SIRT1: variants seen among roughly 807,000 people sequenced by gnomAD.
The protein encoded by SIRT1 is sirtuin 1, also known as NAD-dependent protein deacetylase sirtuin-1.
A neutral mutation model predicts 67.9 loss-of-function variants in SIRT1; 24 were observed. That is an observed-to-expected ratio of 0.35 (90% CI 0.26 to 0.50). SIRT1 has a LOEUF of 0.50. SIRT1 is among the 20% of genes least tolerant of loss of function. The pLI is 0.98. For missense variants in SIRT1, 873 were observed against 937.2 expected (o/e 0.93, Z 0.89); for synonymous variants, 378 against 350.7 (o/e 1.08, Z -0.87).
rs2029924311 is a variant in SIRT1 at position 67,916,693 on chromosome 10, C to T, written c.*100C>T. The T allele has an allele frequency of 1.1e-6, 1 of 891,252 alleles. No homozygotes were observed. The highest frequency in any genetic ancestry group is 1.7e-6 in the Non-Finnish European group (1 of 603,808). 55.2% of individuals were successfully genotyped at this position (891,252 alleles called of 1,614,324 possible). ...TGTGAACTCGATAGAGCAAGGAAAC[C>T]AGAAAGGTGTAATATTTATAGGTTG... On this transcript the variant is annotated 3_prime_UTR_variant, in exon 9 of 9. Coordinates refer to ENST00000212015, the MANE Select transcript of SIRT1 (RefSeq NM_012238.5).
At chr10:67,909,141 TG>T (rs1360695149) in intron 6 of SIRT1, 114 bp from the exon 7 acceptor site, 4 of 697,946 alleles carry the variant, frequency 5.7e-6, no homozygotes, top group Middle Eastern at 2.5e-4. Context: ...TTTTCTGTTT[TG>T]TTTTTTTTTT....
chr10:67,906,396 A>T (rs1453338004), intron 4 of SIRT1: 25 of 1,028,578 alleles, frequency 2.4e-5, no homozygotes, highest in African/African-American at 3.3e-5. Context: ...TTTTTTTTTT[A>T]AATCACCCTA....
intron 4 of SIRT1, among the ~76,000 whole-genome samples, chr10:67,896,641 A>T (rs936535828): frequency 6.6e-6 from 1 of 151,886 alleles, no homozygotes; most frequent in Non-Finnish European, 1.5e-5. Flanking sequence ...CTAAAAATAC[A>T]AAAATTAGCC....
chr10:67,906,636 G>C (rs968202094), intron 4 of SIRT1, among the ~76,000 whole-genome samples, 154 bp from the exon 5 acceptor site: 2 of 152,044 alleles, frequency 1.3e-5, no homozygotes, highest in African/African-American at 2.4e-5. Flanking sequence ...TCCTTTTGTA[G>C]GTGTGTGTCG....
intron 2 of SIRT1, among the ~76,000 whole-genome samples, chr10:67,888,665 A>T (rs1842523759): frequency 6.6e-6 from 1 of 152,154 alleles, no homozygotes; most frequent in African/African-American, 2.4e-5. Flanking sequence ...ATATATACTT[A>T]CAGCTGAAGG....
intron 4 of SIRT1, among the ~76,000 whole-genome samples, chr10:67,895,290 C>T (rs930435238): frequency 1.1e-4 from 16 of 152,128 alleles, no homozygotes; most frequent in South Asian, 6.2e-4. Context: ...GCTTGGGTGG[C>T]GGGCGCCTGT....
intron 8 of SIRT1, among the ~76,000 whole-genome samples, chr10:67,914,577 G>A (rs965772519): frequency 8.5e-5 from 13 of 152,180 alleles, no homozygotes; most frequent in Non-Finnish European, 1.6e-4. Context: ...TGTCTCTAGC[G>A]TATACAAAGT....
chr10:67,887,509 G>T lies in SIRT1; in HGVS notation c.523G>T (p.Asp175Tyr). The T allele has an allele frequency of 1.2e-6, 2 of 1,612,100 alleles. No individual in the cohort carries two copies. Among genetic ancestry groups the T allele is most frequent in the South Asian group, 2.2e-5 (2 of 90,982 alleles). Residue 175 changes from aspartate to tyrosine, a missense_variant, in exon 2 of 9, where the codon GAC becomes TAC. Transcript: ENST00000212015. The stretch of plus-strand genomic sequence containing the variant: ...TAGAGCCTCACATGCAAGCTCTAGT[G>T]ACTGGACTCCAAGGCCACGGATAGG... ...EDRASHASSS[D>Y]WTPRPRIGPY...
chr10:67,902,674 A>G (rs1283606682), intron 4 of SIRT1, among the ~76,000 whole-genome samples: 2 of 152,188 alleles, frequency 1.3e-5, no homozygotes, highest in Non-Finnish European at 2.9e-5. Context: ...AGGAAAGTTT[A>G]GGTTCTATTT....
chr10:67,909,837 A>G (rs1842872415), intron 7 of SIRT1, among the ~76,000 whole-genome samples: 1 of 151,476 alleles, frequency 6.6e-6, no homozygotes, highest in Non-Finnish European at 1.5e-5. Context: ...TGCCTTCTAA[A>G]GTGCTGGGAT....
At chr10:67,896,761 CAAAAAAAAAAAA>C (rs35899726) in intron 4 of SIRT1, among the ~76,000 whole-genome samples, 4 of 56,750 alleles carry the variant, frequency 7.0e-5, no homozygotes, top group Non-Finnish European at 1.4e-4. Context: ...GAATCTGTCT[CAAAAAAAAAAAA>C]AAAAAAAAAA....
Position 67,894,144 on chromosome 10 carries a change from C to T in SIRT1, c.942+2590C>T, listed in dbSNP as rs532963387. Among the ~76,000 whole-genome samples, 30 of 152,148 alleles carry T rather than the reference C, an allele frequency of 2.0e-4. 1 individual carries two copies. Among genetic ancestry groups the T allele is most frequent in the Middle Eastern group, 6.8e-3 (2 of 294 alleles). On this transcript the variant is annotated intron_variant, in intron 4 of 8. Transcript: ENST00000212015. ...CCACCCCATGTAACTTTTGTTTTAT[C>T]CAGGTTGTGGTATATTAAATGGGCA...
At chr10:67,896,278 A>G (rs1485844720) in intron 4 of SIRT1, among the ~76,000 whole-genome samples, 1 of 152,140 alleles carries the variant, frequency 6.6e-6, no homozygotes, top group Non-Finnish European at 1.5e-5. Flanking sequence ...GACCATAGGC[A>G]CGTACCATAT....
intron 3 of SIRT1, 115 bp downstream of exon 3, chr10:67,889,238 G>T: frequency 8.2e-7 from 1 of 1,215,924 alleles, no homozygotes; most frequent in South Asian, 1.8e-5. Context: ...TGGATGTTTG[G>T]GAACTGCCAA....
chr10:67,891,298 A>T (rs986552196), intron 3 of SIRT1, 104 bp from the exon 4 acceptor site: 2 of 991,546 alleles, frequency 2.0e-6, no homozygotes, highest in African/African-American at 3.2e-5. Flanking sequence ...TTTCAGACTA[A>T]AATTTTCTTT....
At chr10:67,885,400 G>A in intron 1 of SIRT1, 1 of 1,229,266 alleles carries the variant, frequency 8.1e-7, no homozygotes, top group Non-Finnish European at 1.0e-6. Flanking sequence ...CAGCAGCCAG[G>A]TCGGGAGACT....
intron 4 of SIRT1, among the ~76,000 whole-genome samples, chr10:67,896,152 T>A (rs1453828782): frequency 3.9e-5 from 6 of 152,108 alleles, no homozygotes; most frequent in Admixed American, 3.3e-4. Flanking sequence ...TGGGCTGGAT[T>A]TTTCTTTTTG....
At chr10:67,898,672 G>T (rs1842696261) in intron 4 of SIRT1, among the ~76,000 whole-genome samples, 1 of 151,974 alleles carries the variant, frequency 6.6e-6, no homozygotes, top group Non-Finnish European at 1.5e-5. Context: ...TACATTTTTA[G>T]CATAAAATTT....
At chr10:67,902,930 AC>A (rs1842764708) in intron 4 of SIRT1, among the ~76,000 whole-genome samples, 1 of 152,146 alleles carries the variant, frequency 6.6e-6, no homozygotes, top group African/African-American at 2.4e-5. Context: ...CCCTGTCTCT[AC>A]TAAAAACAAA....
Sources: allele counts gnomAD v4.1 joint callset (sites outside exome capture counted in the v4.1 genomes callset), GRCh38; gene constraint gnomAD v4.1.1; transcripts MANE v1.5; gene names NCBI Gene and HGNC (gene_info 2026-07-23, HGNC 2026-07-21).